Variants in DLG2 observed in about 807,000 individuals in gnomAD.
The protein encoded by DLG2 is disks large homolog 2.
In DLG2, 45 loss-of-function variants were observed where a neutral mutation model predicts 132.5. The ratio of observed to expected loss-of-function variants is 0.34; its 90% CI spans 0.27 to 0.44. The LOEUF (loss-of-function observed/expected upper bound fraction) is 0.44, where lower values mean the gene tolerates loss of function less well. DLG2 is among the 20% of genes least tolerant of loss of function. The probability of loss-of-function intolerance (pLI) is 1.00; values close to 1 mark genes in which losing one functional copy is unlikely to be tolerated. For missense variants in DLG2, 1,045 were observed against 1,196.9 expected (o/e 0.87, Z 1.87); for synonymous variants, 424 against 419.6 (o/e 1.01, Z -0.13).
At chr11:84,567,708 G>A (rs2099462840) in intron 6 of DLG2, among the ~76,000 whole-genome samples, 1 of 152,116 alleles carries the variant, frequency 6.6e-6, no homozygotes, top group Non-Finnish European at 1.5e-5. Context: ...AGGTCCTTAG[G>A]AAAAGGTCAA....
At chr11:85,061,669 C>G (rs903604713) in intron 6 of DLG2, among the ~76,000 whole-genome samples, 4 of 151,866 alleles carry the variant, frequency 2.6e-5, no homozygotes. Context: ...AAAATGAACA[C>G]TATTGGCCAA....
At chr11:83,883,759 A>G (rs2066959080) in intron 15 of DLG2, among the ~76,000 whole-genome samples, 1 of 151,948 alleles carries the variant, frequency 6.6e-6, no homozygotes, top group Admixed American at 6.6e-5. Context: ...TAAAAGCTGC[A>G]TCTCAGAAAG....
intron 3 of DLG2, among the ~76,000 whole-genome samples, chr11:85,482,436 C>T (rs2093320170): frequency 1.3e-5 from 2 of 152,306 alleles, no homozygotes; most frequent in South Asian, 4.1e-4. Context: ...AATGATGCTA[C>T]AGTAACCCAG....
chr11:83,583,421 G>T (rs1192707648), intron 19 of DLG2, among the ~76,000 whole-genome samples: 1 of 152,146 alleles, frequency 6.6e-6, no homozygotes, highest in Non-Finnish European at 1.5e-5. Flanking sequence ...AGTGTGGCAT[G>T]GTGGCTAAGA....
rs956015733 is a variant in DLG2, at chr11:83,455,948, A to G, written c.*3870T>C. The G allele has an allele frequency of 6.6e-6, 1 of 152,622 alleles. No homozygotes were observed. The highest frequency in any genetic ancestry group is 2.4e-5 in the African/African-American group (1 of 41,466). The allele number at this position is 152,622 out of a possible 1,614,324, so 9.5% of individuals were successfully genotyped here. On this transcript the variant is annotated 3_prime_UTR_variant, in exon 28 of 28. Transcript: ENST00000376104. ...GGAATTTAGGCAGGACCAAGACAGG[A>G]AAGAAGAGATTTCATTTCACCAGCA...
chr11:85,516,990 C>T (rs1440913582), intron 3 of DLG2, among the ~76,000 whole-genome samples: 2 of 151,890 alleles, frequency 1.3e-5, no homozygotes, highest in African/African-American at 2.4e-5. Context: ...AAACTACAGA[C>T]CAGTATCCCT....
intron 17 of DLG2, among the ~76,000 whole-genome samples, chr11:83,831,616 A>C (rs4117186): frequency 0.73 from 111,293 of 151,964 alleles, 42,055 homozygotes; most frequent in African/African-American, 0.92. Flanking sequence ...AATATAAGGT[A>C]AATTATAAGA....
intron 20 of DLG2, among the ~76,000 whole-genome samples, chr11:83,540,691 T>C (rs947986359): frequency 2.6e-5 from 4 of 152,236 alleles, no homozygotes; most frequent in African/African-American, 9.6e-5. Flanking sequence ...AATCACTTGA[T>C]GTGTAGTAGC....
chr11:84,190,585 A>C (rs1005168908), intron 8 of DLG2, among the ~76,000 whole-genome samples: 5 of 152,210 alleles, frequency 3.3e-5, no homozygotes, highest in Admixed American at 2.6e-4. Flanking sequence ...CAATTTTCAG[A>C]CATTTTAATG....
chr11:85,364,803 T>C (rs530919439), intron 3 of DLG2, among the ~76,000 whole-genome samples: 1 of 152,318 alleles, frequency 6.6e-6, no homozygotes, highest in East Asian at 1.9e-4. Flanking sequence ...ATTTTCAAAA[T>C]AGCTTTAAGG....
chr11:84,940,233 C>G (rs1470280561), intron 6 of DLG2, among the ~76,000 whole-genome samples: 1 of 152,200 alleles, frequency 6.6e-6, no homozygotes, highest in East Asian at 1.9e-4. Flanking sequence ...TCACTGCAAC[C>G]CCCGCCTCCT....
chr11:84,081,927 T>C (rs1028348697), intron 10 of DLG2, among the ~76,000 whole-genome samples: 47 of 152,228 alleles, frequency 3.1e-4, no homozygotes, highest in African/African-American at 1.1e-3. Context: ...TAGTTTACAC[T>C]GCCACCAACA....
At chr11:85,520,720 T>C (rs1025557640) in intron 3 of DLG2, among the ~76,000 whole-genome samples, 1 of 151,562 alleles carries the variant, frequency 6.6e-6, no homozygotes, top group Non-Finnish European at 1.5e-5. Context: ...ACACCTACAG[T>C]GAACTCATTT....
At chr11:83,744,664 T>C (rs3885683) in intron 18 of DLG2, among the ~76,000 whole-genome samples, 13,741 of 152,218 alleles carry the variant, frequency 0.09, 859 homozygotes, top group Non-Finnish European at 0.13. Context: ...AGCAGTCTTT[T>C]AGTGTTTGGA....
rs574368621 is a variant in DLG2, at chr11:85,254,723, G to A, written c.186+30497C>T. ...CATTTGTATTTATAAGAATTAGGCT[G>A]GGCGTGGTGGCTCACGCCTGTAATC... On this transcript the variant is annotated intron_variant, in intron 4 of 27. Coordinates refer to ENST00000376104, the MANE Select transcript of DLG2 (RefSeq NM_001142699.3). Among the ~76,000 whole-genome samples, 12 of 152,244 alleles carry A rather than the reference G, an allele frequency of 7.9e-5. No homozygotes were observed. In the South Asian group the frequency reaches 1.5e-3, roughly 18 times the overall value.
chr11:83,720,828 A>G (rs1435044631), intron 18 of DLG2: 1 of 147,174 alleles, frequency 6.8e-6, no homozygotes, highest in Non-Finnish European at 1.5e-5. Flanking sequence ...GCTGCTCACC[A>G]GGTCTGAATA....
intron 6 of DLG2, among the ~76,000 whole-genome samples, chr11:84,596,098 G>T (rs192106980): frequency 1.3e-5 from 2 of 152,208 alleles, no homozygotes; most frequent in East Asian, 3.9e-4. Flanking sequence ...AAGGAAAAAA[G>T]AAAACATTTA....
At chr11:84,961,530 G>GTT (rs1337830868) in intron 6 of DLG2, among the ~76,000 whole-genome samples, 2 of 41,302 alleles carry the variant, frequency 4.8e-5, no homozygotes, top group African/African-American at 6.3e-4. Context: ...GTATCTTTGT[G>GTT]TGTGTGTGTG....
At chr11:85,504,610 C>A (rs931279307) in intron 3 of DLG2, among the ~76,000 whole-genome samples, 1 of 152,156 alleles carries the variant, frequency 6.6e-6, no homozygotes, top group African/African-American at 2.4e-5. Flanking sequence ...GTTTTGGTTA[C>A]TGCAGCCTTG....
Sources: allele counts gnomAD v4.1 joint callset (sites outside exome capture counted in the v4.1 genomes callset), GRCh38; gene constraint gnomAD v4.1.1; transcripts MANE v1.5; gene names NCBI Gene and HGNC (gene_info 2026-07-23, HGNC 2026-07-21).